Variants in GPR137B observed in about 807,000 individuals in gnomAD.
The protein encoded by GPR137B is G protein-coupled receptor 137B.
In GPR137B, 42 loss-of-function variants were observed where a neutral mutation model predicts 42.5. The ratio of observed to expected loss-of-function variants is 0.99; its 90% CI spans 0.77 to 1.28. GPR137B has a LOEUF of 1.28. GPR137B is among the 50% of genes most tolerant of loss of function. The pLI, the probability that GPR137B is intolerant of heterozygous loss-of-function variation, is 0.00. For synonymous variants in GPR137B, 218 were observed against 209.7 expected (o/e 1.04, Z -0.34); for missense variants, 487 against 493.9 (o/e 0.99, Z 0.13).
intron 1 of GPR137B, among the ~76,000 whole-genome samples, chr1:236,167,356 C>T (rs1662390802): frequency 6.6e-6 from 1 of 152,180 alleles, no homozygotes; most frequent in South Asian, 2.1e-4. Context: ...GAGAGCTCCC[C>T]AGGACTTACT....
At chr1:236,207,024 TGGGA>T in intron 6 of GPR137B, 1 of 392,160 alleles carries the variant, frequency 2.5e-6, no homozygotes, top group Non-Finnish European at 3.5e-6. Context: ...TTTTTCCCTC[TGGGA>T]TGAAATGATA....
intron 2 of GPR137B, among the ~76,000 whole-genome samples, chr1:236,176,992 T>A (rs957693413): frequency 6.6e-6 from 1 of 152,090 alleles, no homozygotes; most frequent in African/African-American, 2.4e-5. Flanking sequence ...ATGGTGTGTG[T>A]GCGTGTGAGG....
intron 1 of GPR137B, among the ~76,000 whole-genome samples, chr1:236,157,797 G>A (rs1662075874): frequency 6.6e-6 from 1 of 152,178 alleles, no homozygotes; most frequent in Non-Finnish European, 1.5e-5. Context: ...CGCCCATGCA[G>A]TTCAAACCCA....
intron 1 of GPR137B, 134 bp downstream of exon 1, chr1:236,143,170 T>C: frequency 2.8e-6 from 2 of 715,852 alleles, no homozygotes; most frequent in Non-Finnish European, 4.7e-6. Context: ...AGGCGCCGGC[T>C]CTGGGGTCGT....
At chr1:236,176,239 G>A (rs1048945432) in intron 2 of GPR137B, among the ~76,000 whole-genome samples, 11 of 152,218 alleles carry the variant, frequency 7.2e-5, no homozygotes, top group Admixed American at 3.3e-4. Flanking sequence ...AATCATTAAC[G>A]TTTCTGTTTG....
chr1:236,180,216 A>G (rs1448737302), intron 4 of GPR137B, 188 bp downstream of exon 4: 3 of 560,996 alleles, frequency 5.3e-6, no homozygotes, highest in Non-Finnish European at 9.7e-6. Flanking sequence ...GATGATTTAC[A>G]ATACCAAATA....
intron 5 of GPR137B, among the ~76,000 whole-genome samples, chr1:236,201,393 C>T (rs1217973572): frequency 8.3e-6 from 1 of 119,914 alleles, no homozygotes; most frequent in Non-Finnish European, 1.6e-5. Flanking sequence ...TTAGATTTCT[C>T]TTCATCTTCA....
Position 236,178,413 on chromosome 1 carries a change from G to A in GPR137B, c.465-1G>A. The A allele has an allele frequency of 6.2e-7, 1 of 1,604,822 alleles. No individual in the cohort carries two copies. The highest frequency in any genetic ancestry group is 8.5e-7 in the Non-Finnish European group (1 of 1,172,320). ...TGACAAGTTGCTCTCATGCCTTCCA[G>A]GTTGCCCCTCTACCTGGCCTCCCTC... is the stretch of plus-strand genomic sequence containing the variant. On this transcript the variant is annotated splice_acceptor_variant, in intron 2 of 6. Transcript: ENST00000366592. LOFTEE classifies it high-confidence loss of function.
chr1:236,175,956 GCA>G (rs1463806889), intron 2 of GPR137B, among the ~76,000 whole-genome samples: 8 of 152,192 alleles, frequency 5.3e-5, no homozygotes, highest in Non-Finnish European at 1.2e-4. Flanking sequence ...CATGTTGAAT[GCA>G]CAGTGTTCCA....
chr1:236,160,444 C>T (rs1054962883), intron 1 of GPR137B, among the ~76,000 whole-genome samples: 1 of 152,114 alleles, frequency 6.6e-6, no homozygotes, highest in Non-Finnish European at 1.5e-5. Context: ...GCCATGTTCC[C>T]TCAGACCCCT....
At chr1:236,169,016 A>G (rs1430549560) in intron 2 of GPR137B, among the ~76,000 whole-genome samples, 4 of 152,220 alleles carry the variant, frequency 2.6e-5, no homozygotes, top group Non-Finnish European at 4.4e-5. Flanking sequence ...CTTTCCTAAC[A>G]GGAGGAAATA....
intron 5 of GPR137B, among the ~76,000 whole-genome samples, chr1:236,191,204 T>C (rs1025631885): frequency 3.9e-5 from 6 of 152,174 alleles, no homozygotes; most frequent in African/African-American, 1.4e-4. Flanking sequence ...TCATTTATAT[T>C]CTCCTCTAAA....
At chr1:236,183,059 GC>G (rs1662928682) in intron 4 of GPR137B, among the ~76,000 whole-genome samples, 2 of 152,254 alleles carry the variant, frequency 1.3e-5, no homozygotes, top group South Asian at 4.1e-4. Flanking sequence ...AGGTGTTTGG[GC>G]CTTTACGATT....
At chr1:236,161,483 C>T (rs1662193166) in intron 1 of GPR137B, among the ~76,000 whole-genome samples, 1 of 93,518 alleles carries the variant, frequency 1.1e-5, no homozygotes, top group African/African-American at 6.9e-5. Context: ...TCCACACACA[C>T]TTCACACCTC....
intron 1 of GPR137B, among the ~76,000 whole-genome samples, chr1:236,144,495 GGAA>G (rs1224559837): frequency 6.6e-6 from 1 of 152,202 alleles, no homozygotes; most frequent in Non-Finnish European, 1.5e-5. Context: ...CTGAAAATAT[GGAA>G]GAAGTACTTT....
Position 236,179,914 on chromosome 1 carries a change from C to CACCGTG in GPR137B, c.725_730dup (p.Thr242_Val243dup). The CACCGTG allele has an allele frequency of 6.2e-7, 1 of 1,603,526 alleles. No homozygotes were observed. Reference sequence around the variant, plus strand: ...TGTGTCAAGTGACTGCCATCGGTGTCACCGTGATACTGCTTTACACCTCTC... The same window carrying CACCGTG: ...TGTGTCAAGTGACTGCCATCGGTGTCACCGTGACCGTGATACTGCTTTACACCTCTC... On this transcript the variant is annotated inframe_insertion, in exon 4 of 7. Transcript: ENST00000366592.
At chr1:236,186,289 A>ATATTATATATT (rs1387887721) in intron 5 of GPR137B, among the ~76,000 whole-genome samples, 2 of 95,710 alleles carry the variant, frequency 2.1e-5, no homozygotes, top group African/African-American at 4.5e-5. Flanking sequence ...TAATATAAAT[A>ATATTATATATT]ATATATAATA....
intron 6 of GPR137B, 25 bp from the exon 7 acceptor site, chr1:236,208,025 A>G: frequency 1.3e-6 from 2 of 1,546,986 alleles, no homozygotes; most frequent in South Asian, 1.1e-5. Context: ...GTTTCAAGTC[A>G]CTGAAATATT....
Position 236,148,633 on chromosome 1 carries a change from G to A in GPR137B, c.414+5597G>A, listed in dbSNP as rs529286397. Among the ~76,000 whole-genome samples, 6 of 152,290 alleles carry A rather than the reference G, an allele frequency of 3.9e-5. No homozygotes were observed. In the East Asian group the frequency reaches 1.2e-3, roughly 29 times the overall value. ...GCTGACATTTATCGGGGTCTGGTCT[G>A]TTCTGTTCTGAAACTCAGCTAGGGA... On this transcript the variant is annotated intron_variant, in intron 1 of 6. Transcript: ENST00000366592.
Sources: gnomAD v4.1 joint callset for allele counts (sites outside exome capture counted in the v4.1 genomes callset) on GRCh38, gnomAD v4.1.1 for gene constraint, MANE v1.5 for transcripts, NCBI Gene and HGNC (gene_info 2026-07-23, HGNC 2026-07-21) for gene names.